Variants in KDR observed in about 807,000 individuals in gnomAD.
KDR encodes kinase insert domain receptor.
A neutral mutation model predicts 160.9 loss-of-function variants in KDR; 43 were observed. That is an observed-to-expected ratio of 0.27 (90% CI 0.21 to 0.34). KDR has a LOEUF of 0.34. Ranked by LOEUF, KDR falls within the 10% of genes least tolerant of loss-of-function variation. The pLI is 1.00. For synonymous variants in KDR, 617 were observed against 600.1 expected, an observed-to-expected ratio of 1.03 and a Z score of -0.41; for missense variants, 1,469 against 1,666.4, an observed-to-expected ratio of 0.88 and a Z score of 2.06.
chr4:55,082,473 T>G, intron 28 of KDR, 63 bp downstream of exon 28: 2 of 1,248,348 alleles, frequency 1.6e-6, no homozygotes, highest in Non-Finnish European at 2.4e-6. Flanking sequence ...AGGCTAATAT[T>G]TATCTAGCTA....
At position 55,079,955 on chromosome 4, in the gene KDR, A is replaced by T. The variant is rs1473561441; in HGVS notation, c.4057T>A (p.Ser1353Thr). 6.2e-7 allele frequency: 1 copy of T among 1,613,948 alleles called. No individual in the cohort carries two copies. The highest frequency in any genetic ancestry group is 1.1e-5 in the South Asian group (1 of 91,068). ...LQPDSGTTLS[S>T]PPV ...GATGCTTCCTTTTAAACAGGAGGAGAGCTCAGTGTGGTCCCCGAGTCAGGC... is the reference window on the plus strand; with the variant it reads ...GATGCTTCCTTTTAAACAGGAGGAGTGCTCAGTGTGGTCCCCGAGTCAGGC... The change falls in exon 30 of 30, where the codon TCT (serine) becomes ACT (threonine). Residue 1353 changes from serine to threonine, a missense_variant. Ser to Thr is a moderately conservative substitution (Grantham distance 58). This residue lies in a region of KDR where 229 missense variants were observed against 197.8 expected (regional missense o/e 1.16). Coordinates refer to ENST00000263923, the MANE Select transcript of KDR (RefSeq NM_002253.4).
Position 55,089,562 on chromosome 4 carries a change from A to G in KDR, c.3305-89T>C, listed in dbSNP as rs1023360802. 4 of 1,308,638 alleles carry G rather than the reference A, an allele frequency of 3.1e-6. No homozygotes were observed. The African/African-American group carries it at 5.8e-5, about 19-fold the overall frequency. The allele number at this position is 1,308,638 out of a possible 1,614,324, so 81.1% of individuals were successfully genotyped here. ...TGAATCTTGCACATCCTCATCACCT[A>G]TGTATCTATTTTTTTTTTCAAAGCT... On this transcript the variant is annotated intron_variant, in intron 24 of 29. Coordinates refer to ENST00000263923, the MANE Select transcript of KDR (RefSeq NM_002253.4).
At chr4:55,117,043 C>T (rs1720753798) in intron 3 of KDR, among the ~76,000 whole-genome samples, 1 of 152,184 alleles carries the variant, frequency 6.6e-6, no homozygotes, top group Non-Finnish European at 1.5e-5. Context: ...ATATTGCCTA[C>T]CTTTCATCCA....
At chr4:55,119,602 T>C (rs1720816000) in intron 2 of KDR, among the ~76,000 whole-genome samples, 1 of 152,080 alleles carries the variant, frequency 6.6e-6, no homozygotes, top group Non-Finnish European at 1.5e-5. Flanking sequence ...TGAAGAGCAG[T>C]ATTACAGGAG....
intron 21 of KDR, among the ~76,000 whole-genome samples, chr4:55,093,799 C>A (rs111586477): frequency 0.011 from 1,627 of 152,286 alleles, 36 homozygotes; most frequent in African/African-American, 0.037. Flanking sequence ...ACATCCACAA[C>A]GCTATCTCTG....
intron 29 of KDR, among the ~76,000 whole-genome samples, chr4:55,080,670 C>T (rs1255628661): frequency 6.6e-6 from 1 of 152,198 alleles, no homozygotes; most frequent in Admixed American, 6.5e-5. Flanking sequence ...TGCAGTCAAG[C>T]CAGACATATC....
intron 22 of KDR, among the ~76,000 whole-genome samples, chr4:55,091,525 T>G (rs1026248950): frequency 1.3e-5 from 2 of 152,086 alleles, no homozygotes; most frequent in Non-Finnish European, 2.9e-5. Context: ...CTCCAAGAAG[T>G]GTAAAGGGCC....
rs7682740 is a variant in KDR at position 55,087,881 on chromosome 4, T to A, written c.3511-123A>T. ...GGTGTGTGGCTTTCATATCTGAACATAGAACTTTAAGACAACAATACAAAT... is the reference window on the plus strand; with the variant it reads ...GGTGTGTGGCTTTCATATCTGAACAAAGAACTTTAAGACAACAATACAAAT... On this transcript the variant is annotated intron_variant, in intron 26 of 29. Coordinates refer to ENST00000263923, the MANE Select transcript of KDR (RefSeq NM_002253.4). 3 of 877,742 alleles carry A rather than the reference T, an allele frequency of 3.4e-6. No individual in the cohort carries two copies. In the African/African-American group the frequency reaches 5.0e-5, roughly 15 times the overall value. The allele number at this position is 877,742 out of a possible 1,614,324, so 54.4% of individuals were successfully genotyped here. A position where few individuals can be genotyped will look rare whatever the true frequency, so the allele number is the denominator to read the frequency against.
chr4:55,115,148 T>A, intron 4 of KDR, 106 bp from the exon 5 acceptor site: 1 of 1,243,184 alleles, frequency 8.0e-7, no homozygotes, highest in Non-Finnish European at 1.2e-6. Context: ...TACTAATTAG[T>A]TTTATTCATT....
chr4:55,098,987 ATTTATTTATTTATTT>A (rs1720239231), intron 15 of KDR, among the ~76,000 whole-genome samples, 184 bp from the exon 16 acceptor site: 40 of 69,154 alleles, frequency 5.8e-4, no homozygotes, highest in African/African-American at 3.4e-3. Context: ...AATTTAATTT[ATTTATTTATTTATTT>A]ATTTATTTAT....
chr4:55,088,738 G>A (rs1215803808), intron 26 of KDR, 130 bp downstream of exon 26: 1 of 721,072 alleles, frequency 1.4e-6, no homozygotes, highest in East Asian at 2.7e-5. Flanking sequence ...TTACTCAGAT[G>A]TAGAAGAATA....
At chr4:55,086,858 A>G (rs1719878571) in intron 27 of KDR, among the ~76,000 whole-genome samples, 1 of 152,220 alleles carries the variant, frequency 6.6e-6, no homozygotes, top group Non-Finnish European at 1.5e-5. Flanking sequence ...CAGGGGTTCC[A>G]TTAAAGCAGG....
At chr4:55,106,949 G>A (rs1377295375) in intron 10 of KDR, 139 bp from the exon 11 acceptor site, 1 of 765,324 alleles carries the variant, frequency 1.3e-6, no homozygotes, top group Non-Finnish European at 2.3e-6. Flanking sequence ...ACAAGACTTG[G>A]CGCCAATTAA....
intron 7 of KDR, among the ~76,000 whole-genome samples, chr4:55,112,641 G>A (rs1349950938): frequency 6.7e-6 from 1 of 149,896 alleles, no homozygotes; most frequent in East Asian, 2.0e-4. Flanking sequence ...CAATTCTCCT[G>A]CCTCAGCCTC....
chr4:55,104,583 T>A (rs1331850470), intron 13 of KDR, 60 bp downstream of exon 13: 4 of 1,284,924 alleles, frequency 3.1e-6, no homozygotes, highest in Non-Finnish European at 4.5e-6. Flanking sequence ...GCACCTGAAT[T>A]GCACTACATT....
chr4:55,088,912 A>G lies in KDR; in HGVS notation c.3466T>C (p.Leu1156=). Residue 1156 remains leucine, a synonymous_variant, in exon 26 of 30, where the codon TTG becomes CTG. Coordinates refer to ENST00000263923, the MANE Select transcript of KDR (RefSeq NM_002253.4). ...EPSQRPTFSE[L]VEHLGNLLQA... is the part of the protein sequence containing the mutation. The stretch of plus-strand genomic sequence containing the variant: ...AAGAGATTTCCCAAATGTTCCACCA[A>G]CTCTGAAAACGTGGGTCTCTGACTG... 1 of 1,614,128 alleles carries G rather than the reference A, an allele frequency of 6.2e-7. No individual in the cohort carries two copies. Among genetic ancestry groups the G allele is most frequent in the East Asian group, 2.2e-5 (1 of 44,880 alleles).
intron 3 of KDR, 88 bp downstream of exon 3, chr4:55,118,516 C>T: frequency 9.9e-7 from 1 of 1,011,218 alleles, no homozygotes; most frequent in Non-Finnish European, 1.6e-6. Context: ...TAGAGCAAGC[C>T]CTTTGTTGTA....
intron 1 of KDR, among the ~76,000 whole-genome samples, chr4:55,121,537 C>CT (rs1720873965): frequency 2.0e-5 from 3 of 152,176 alleles, no homozygotes; most frequent in African/African-American, 2.4e-5. Flanking sequence ...GGGAAAGGAC[C>CT]CACTGACATT....
chr4:55,093,948 C>T (rs1720084085), intron 21 of KDR, among the ~76,000 whole-genome samples: 1 of 152,180 alleles, frequency 6.6e-6, no homozygotes, highest in Non-Finnish European at 1.5e-5. Flanking sequence ...GCCTATAATC[C>T]CAGCACTTTG....
Sources: gnomAD v4.1 joint callset for allele counts (sites outside exome capture counted in the v4.1 genomes callset) on GRCh38, gnomAD v4.1.1 for gene constraint, gnomAD v4.1.1 regional missense constraint, MANE v1.5 for transcripts, NCBI Gene and HGNC (gene_info 2026-07-23, HGNC 2026-07-21) for gene names.